Variants in DAPK2 observed in about 807,000 individuals in gnomAD.
The protein encoded by DAPK2 is death associated protein kinase 2, also known as death-associated protein kinase 2.
Under a neutral mutation model 44.1 loss-of-function variants are expected in DAPK2, and 35 were observed. The ratio of observed to expected loss-of-function variants is 0.79; its 90% CI spans 0.61 to 1.05. The LOEUF is 1.05. Among genes scored for constraint, DAPK2 ranks in the 50% least tolerant of loss-of-function variants. The probability of loss-of-function intolerance (pLI) is 0.00; values close to 1 mark genes in which losing one functional copy is unlikely to be tolerated. For missense variants in DAPK2, 453 were observed against 483.2 expected (o/e 0.94, Z 0.59); for synonymous variants, 174 against 182.6 (o/e 0.95, Z 0.38).
chr15:64,009,389 C>T (rs762700968), intron 1 of DAPK2, among the ~76,000 whole-genome samples: 1 of 152,168 alleles, frequency 6.6e-6, no homozygotes, highest in African/African-American at 2.4e-5. Context: ...ACAACGCAGA[C>T]ATCATCATGT....
intron 6 of DAPK2, 131 bp downstream of exon 7, chr15:63,929,420 G>T: frequency 8.3e-7 from 1 of 1,198,870 alleles, no homozygotes. Context: ...CAGGCTTGCT[G>T]TGTGGACTTA....
chr15:63,943,168 A>T (rs1358980079), intron 3 of DAPK2, among the ~76,000 whole-genome samples: 1 of 151,606 alleles, frequency 6.6e-6, no homozygotes, highest in Non-Finnish European at 1.5e-5. Context: ...TCATGCCTGT[A>T]ACCCCAGAAC....
At chr15:63,996,333 C>T (rs966518408) in intron 1 of DAPK2, among the ~76,000 whole-genome samples, 4 of 152,200 alleles carry the variant, frequency 2.6e-5, no homozygotes, top group African/African-American at 9.7e-5. Flanking sequence ...GTCCCAGCTA[C>T]TCAGCAGGCT....
At chr15:64,043,674 T>C (rs2080396926), upstream of DAPK2, among the ~76,000 whole-genome samples, 1 of 152,194 alleles carries the variant, frequency 6.6e-6, no homozygotes, top group South Asian at 2.1e-4. Context: ...GTTAGATGGA[T>C]ATATGGGATG....
intron 1 of DAPK2, among the ~76,000 whole-genome samples, chr15:64,016,920 A>G (rs1341994591): frequency 6.6e-6 from 1 of 152,028 alleles, no homozygotes; most frequent in African/African-American, 2.4e-5. Flanking sequence ...TAAAATGCCC[A>G]GCATATGGCC....
At chr15:64,009,892 T>C (rs1408632308) in intron 1 of DAPK2, among the ~76,000 whole-genome samples, 1 of 152,120 alleles carries the variant, frequency 6.6e-6, no homozygotes, top group East Asian at 1.9e-4. Context: ...GCACTAAAAA[T>C]CTGAAACACA....
At chr15:63,960,253 T>C (rs538508304) in intron 3 of DAPK2, among the ~76,000 whole-genome samples, 9 of 152,364 alleles carry the variant, frequency 5.9e-5, no homozygotes, top group Admixed American at 5.2e-4. Flanking sequence ...CTTTTCTTAT[T>C]AGCCTTGATA....
chr15:64,028,465 T>G (rs537989096), intron 1 of DAPK2, among the ~76,000 whole-genome samples: 66 of 152,290 alleles, frequency 4.3e-4, no homozygotes, highest in Non-Finnish European at 6.8e-4. Flanking sequence ...AACCACAAGA[T>G]GCAACACATG....
chr15:63,952,575 G>A (rs1431722317), intron 3 of DAPK2, among the ~76,000 whole-genome samples: 1 of 152,072 alleles, frequency 6.6e-6, no homozygotes, highest in East Asian at 1.9e-4. Context: ...CATGCTAAGA[G>A]TGGGTTCATT....
chr15:63,943,990 C>G (rs2077385349), intron 3 of DAPK2, among the ~76,000 whole-genome samples: 1 of 152,204 alleles, frequency 6.6e-6, no homozygotes, highest in Non-Finnish European at 1.5e-5. Flanking sequence ...CCTCCTCTGG[C>G]ACCTGTGTCC....
intron 4 of DAPK2, among the ~76,000 whole-genome samples, chr15:63,936,490 A>G (rs968127409): frequency 2.6e-5 from 4 of 152,276 alleles, no homozygotes; most frequent in African/African-American, 9.6e-5. Context: ...GGGTGCCTGT[A>G]ATCCCAGCTA....
At chr15:64,035,097 G>A (rs906208766) in intron 1 of DAPK2, among the ~76,000 whole-genome samples, 3 of 151,964 alleles carry the variant, frequency 2.0e-5, no homozygotes, top group African/African-American at 7.3e-5. Context: ...GAACCCGGTA[G>A]GCAGAGGTTG....
At chr15:63,992,364 C>T (rs1452903461) in intron 1 of DAPK2, among the ~76,000 whole-genome samples, 1 of 152,066 alleles carries the variant, frequency 6.6e-6, no homozygotes, top group Non-Finnish European at 1.5e-5. Flanking sequence ...CCCACCTGCC[C>T]ATGTACTCAC....
intron 2 of DAPK2, among the ~76,000 whole-genome samples, chr15:63,973,619 A>C (rs546190769): frequency 1.6e-4 from 25 of 152,286 alleles, no homozygotes; most frequent in African/African-American, 5.8e-4. Flanking sequence ...CCCACATCTG[A>C]TTTAGATATT....
At chr15:64,041,498 C>T (rs1161306948), upstream of DAPK2, among the ~76,000 whole-genome samples, 2 of 152,222 alleles carry the variant, frequency 1.3e-5, no homozygotes, top group Non-Finnish European at 2.9e-5. Flanking sequence ...TGGACAACAT[C>T]CCAAGAGCAG....
intron 1 of DAPK2, among the ~76,000 whole-genome samples, chr15:64,026,155 G>A (rs2079838516): frequency 6.6e-6 from 1 of 152,236 alleles, no homozygotes; most frequent in Admixed American, 6.5e-5. Flanking sequence ...CCTGGAAGCT[G>A]CCGGGGTCTC....
intron 3 of DAPK2, among the ~76,000 whole-genome samples, chr15:63,961,613 C>T (rs532164357): frequency 6.6e-6 from 1 of 152,176 alleles, no homozygotes; most frequent in South Asian, 2.1e-4. Flanking sequence ...GCTTAGTTTG[C>T]TAGATGTGAG....
At chr15:63,957,664 T>A (rs1416426033) in intron 3 of DAPK2, among the ~76,000 whole-genome samples, 1 of 152,058 alleles carries the variant, frequency 6.6e-6, no homozygotes, top group Non-Finnish European at 1.5e-5. Flanking sequence ...GCTTCATCCA[T>A]GTCCCTACAA....
At chr15:64,003,934 C>A (rs2079161710) in intron 1 of DAPK2, among the ~76,000 whole-genome samples, 1 of 152,194 alleles carries the variant, frequency 6.6e-6, no homozygotes, top group South Asian at 2.1e-4. Flanking sequence ...AACAATAATT[C>A]TTTAATGTCA....
Sources: gnomAD v4.1 joint callset for allele counts (sites outside exome capture counted in the v4.1 genomes callset) on GRCh38, gnomAD v4.1.1 for gene constraint, MANE v1.5 for transcripts, NCBI Gene and HGNC (gene_info 2026-07-23, HGNC 2026-07-21) for gene names.